Variants in ESS2 observed in about 807,000 individuals in gnomAD.
ESS2 encodes ess-2 spliceosome associated protein, also known as splicing factor ESS-2 homolog.
In ESS2, 31 loss-of-function variants were observed where a neutral mutation model predicts 52.0. The ratio of observed to expected loss-of-function variants is 0.60; its 90% CI spans 0.45 to 0.81. The LOEUF (loss-of-function observed/expected upper bound fraction) is 0.81, where lower values mean the gene tolerates loss of function less well. ESS2 is among the 30% of genes least tolerant of loss of function. ESS2 has a pLI of 0.00. For synonymous variants in ESS2, 285 were observed against 259.2 expected, an observed-to-expected ratio of 1.10 and a Z score of -0.95; for missense variants, 602 against 637.2, an observed-to-expected ratio of 0.94 and a Z score of 0.59.
chr22:19,141,823 A>G (rs753523136), intron 3 of ESS2, among the ~76,000 whole-genome samples: 1 of 152,106 alleles, frequency 6.6e-6, no homozygotes. Flanking sequence ...CCTCGTCTCT[A>G]CTACAAAATA....
chr22:19,143,202 C>CAAAAAAA (rs10632625), intron 1 of ESS2, among the ~76,000 whole-genome samples: 2 of 113,020 alleles, frequency 1.8e-5, no homozygotes, highest in Admixed American at 9.7e-5. Context: ...GAGACCGTCT[C>CAAAAAAA]AAAAAAAAAA....
intron 3 of ESS2, among the ~76,000 whole-genome samples, chr22:19,140,364 C>A (rs1281842851): frequency 6.6e-6 from 1 of 152,144 alleles, no homozygotes; most frequent in Non-Finnish European, 1.5e-5. Context: ...GCTCCTCCCC[C>A]ACCAAAGTGG....
intron 8 of ESS2, among the ~76,000 whole-genome samples, chr22:19,136,867 A>C (rs2083591223): frequency 6.6e-6 from 1 of 152,064 alleles, no homozygotes; most frequent in African/African-American, 2.4e-5. Context: ...GCCCACGAAG[A>C]GCCTCCCCTG....
At position 19,144,624 on chromosome 22, in the gene ESS2, G is replaced by T; in HGVS notation, c.17C>A (p.Ala6Glu). 1 of 1,536,090 alleles carries T rather than the reference G, an allele frequency of 6.5e-7. No individual in the cohort carries two copies. The change falls in exon 1 of 10, where the codon GCA (alanine) becomes GAA (glutamate). Residue 6 changes from alanine (A) to glutamate (E), a missense_variant. Transcript: ENST00000252137. ...GGGAAGCAACAAGGACGACGCTGAT[G>T]CGCCCGGCGTCTCCATCGCTATCCC... METPGASASSLLLPAA... is the reference protein window; with the variant it reads METPGESASSLLLPAA...
Position 19,137,413 on chromosome 22 carries a change from C to A in ESS2, c.945G>T (p.Met315Ile). The change falls in exon 8 of 10, where the codon ATG becomes ATT. Residue 315 changes from methionine (M) to isoleucine (I), a missense_variant. Met to Ile is a conservative substitution (Grantham distance 10, BLOSUM62 1). Coordinates refer to ENST00000252137, the MANE Select transcript of ESS2 (RefSeq NM_022719.3). ...TGTTCTCAACCTCCCCCCAGGTCAT[C>A]ATCGGGGACTCGTTCACACCTGCAG... is the stretch of plus-strand genomic sequence containing the variant. ...SPAPGVNESP[M>I]MTWGEVENTP... 3 of 1,613,488 alleles carry A rather than the reference C, an allele frequency of 1.9e-6. No homozygotes were observed. Among genetic ancestry groups the A allele is most frequent in the Non-Finnish European group, 2.5e-6 (3 of 1,179,664 alleles).
chr22:19,141,522 ATGC>A lies in ESS2; in HGVS notation c.400+1013_400+1015del, dbSNP rs375934292. Among the ~76,000 whole-genome samples, 406 of 152,340 alleles carry A rather than the reference ATGC, an allele frequency of 2.7e-3. 3 individuals are homozygous for A. The highest frequency in any genetic ancestry group is 9.3e-3 in the African/African-American group (387 of 41,564). On this transcript the variant is annotated intron_variant, in intron 3 of 9. Transcript: ENST00000252137. ...TATAGAGCTGTGTGTCCCAGCAAACATGCTGAAGATGACAACTCTTTCATCTGT... is the reference window on the plus strand; with the variant it reads ...TATAGAGCTGTGTGTCCCAGCAAACATGAAGATGACAACTCTTTCATCTGT...
Position 19,134,371 on chromosome 22 carries a change from G to C in ESS2, c.1256C>G (p.Thr419Arg). 6.2e-7 allele frequency: 1 copy of C among 1,612,258 alleles called. No individual in the cohort carries two copies. The highest frequency in any genetic ancestry group is 8.5e-7 in the Non-Finnish European group (1 of 1,179,370). The change falls in exon 10 of 10, where the codon ACA becomes AGA. Residue 419 changes from threonine (T) to arginine (R), a missense_variant. Coordinates refer to ENST00000252137, the MANE Select transcript of ESS2 (RefSeq NM_022719.3). Reference protein sequence around the residue: ...YTDRALRASYTPSPARSTHLK... With the variant: ...YTDRALRASYRPSPARSTHLK... ...GTGGGTGGAGCGTGCTGGGGATGGT[G>C]TGTAGCTGGCCCGCAGGGCCCGGTC...
chr22:19,140,543 GA>G (rs1322509530), intron 3 of ESS2, among the ~76,000 whole-genome samples: 1 of 152,082 alleles, frequency 6.6e-6, no homozygotes, highest in Non-Finnish European at 1.5e-5. Flanking sequence ...GATCTCATAT[GA>G]CTTAGTCCTC....
At chr22:19,141,236 A>C (rs1181330335) in intron 3 of ESS2, among the ~76,000 whole-genome samples, 1 of 152,198 alleles carries the variant, frequency 6.6e-6, no homozygotes, top group Admixed American at 6.5e-5. Context: ...ATGGCCGAAA[A>C]AGCTGGATTG....
At chr22:19,142,149 A>G (rs1452562309) in intron 3 of ESS2, among the ~76,000 whole-genome samples, 1 of 152,246 alleles carries the variant, frequency 6.6e-6, no homozygotes, top group Non-Finnish European at 1.5e-5. Context: ...AGAGATCTAC[A>G]GGAAGAAACA....
Position 19,133,601 on chromosome 22 carries a change from G to GC in ESS2, c.*594dup, listed in dbSNP as rs1374352739. ...GCCCCCACACAGTCCTATAACCAGC[G>GC]CACCTCACAGCCGGCAAGCCCAGAG... is the stretch of plus-strand genomic sequence containing the variant. On this transcript the variant is annotated 3_prime_UTR_variant, in exon 10 of 10. Coordinates refer to ENST00000252137, the MANE Select transcript of ESS2 (RefSeq NM_022719.3). 1 of 152,304 alleles carries GC rather than the reference G, an allele frequency of 6.6e-6. No individual in the cohort carries two copies. Among genetic ancestry groups the GC allele is most frequent in the East Asian group, 1.9e-4 (1 of 5,206 alleles). 9.4% of individuals were successfully genotyped at this position (152,304 alleles called of 1,614,324 possible).
chr22:19,131,899 G>A lies in ESS2; in HGVS notation c.*2297C>T. On this transcript the variant is annotated 3_prime_UTR_variant, in exon 10 of 10. Coordinates refer to ENST00000252137, the MANE Select transcript of ESS2 (RefSeq NM_022719.3). This position sits in a 1 kb window ranked among gnomAD's most constrained non-coding sequence, Gnocchi z 5.7. ...AAGCGCTGCCTGCGGGACAGCAATG[G>A]GCGCATCATCCTCAGCAAGACCTTC... The A allele has an allele frequency of 1.2e-6, 2 of 1,614,152 alleles. No individual in the cohort carries two copies. The highest frequency in any genetic ancestry group is 1.3e-5 in the African/African-American group (1 of 75,050).
chr22:19,138,366 G>A lies in ESS2; in HGVS notation c.823-49C>T, dbSNP rs758717607. On this transcript the variant is annotated intron_variant, in intron 6 of 9. Transcript: ENST00000252137. ...ATCAGGGGGACCGCAGCCCACGCTC[G>A]ACAGCTGGCCGGTGGGCAAACACGT... 1.0e-5 allele frequency: 16 copies of A among 1,552,568 alleles called. 1 individual carries two copies. Among genetic ancestry groups the A allele is most frequent in the South Asian group, 2.3e-5 (2 of 88,882 alleles).
chr22:19,136,495 C>T (rs1200342680), intron 8 of ESS2, among the ~76,000 whole-genome samples: 1 of 152,188 alleles, frequency 6.6e-6, no homozygotes, highest in Non-Finnish European at 1.5e-5. Flanking sequence ...CCCTTCATTT[C>T]TAAATACTCT....
In ESS2 at chr22:19,139,195, C is replaced by T; in HGVS notation, c.786G>A (p.Arg262=). The T allele has an allele frequency of 1.2e-6, 2 of 1,605,972 alleles. No individual in the cohort carries two copies. The highest frequency in any genetic ancestry group is 1.7e-6 in the Non-Finnish European group (2 of 1,176,000). The change falls in exon 6 of 10, where the codon AGG becomes AGA. Residue 262 remains arginine, a synonymous_variant. Coordinates refer to ENST00000252137, the MANE Select transcript of ESS2 (RefSeq NM_022719.3). The stretch of plus-strand genomic sequence containing the variant: ...GGGCGGCTGCCTGCTGGAGCTGGCA[C>T]CTGCTCAGGGCTTGGCTGAAGGGGT... ...LRDPFSQALS[R]CQLQQAAALN...
At chr22:19,144,141 C>T in intron 1 of ESS2, 1 of 1,056,992 alleles carries the variant, frequency 9.5e-7, no homozygotes, top group Non-Finnish European at 1.1e-6. Context: ...GCTGTCACAA[C>T]TGCGGTCTCT....
Position 19,132,187 on chromosome 22 carries a change from T to G in ESS2, c.*2009A>C, listed in dbSNP as rs1390966204. On this transcript the variant is annotated 3_prime_UTR_variant, in exon 10 of 10. Coordinates refer to ENST00000252137, the MANE Select transcript of ESS2 (RefSeq NM_022719.3). This position sits in a 1 kb window ranked among gnomAD's most constrained non-coding sequence, Gnocchi z 4.2. ...CCCGACGTCAGCCAGCGGCTCCACA[T>G]CGATGAGATCCTCAGCCACTCGTGG... The G allele has an allele frequency of 6.2e-7, 1 of 1,612,912 alleles. No individual in the cohort carries two copies. The highest frequency in any genetic ancestry group is 2.2e-5 in the East Asian group (1 of 44,834).
At chr22:19,142,461 C>A (rs1403653880) in intron 3 of ESS2, 77 bp downstream of exon 3, 1 of 1,357,648 alleles carries the variant, frequency 7.4e-7, no homozygotes, top group East Asian at 2.3e-5. Flanking sequence ...CCCTCTGGAC[C>A]ACCCCCTCAG....
chr22:19,132,568 C>A lies in ESS2; in HGVS notation c.*1628G>T. ...CGTAAACTAAGTAGGCAGGTAGGATCTGAAGAAGGCACAGGTGCAAGTAAA... is the reference window on the plus strand; with the variant it reads ...CGTAAACTAAGTAGGCAGGTAGGATATGAAGAAGGCACAGGTGCAAGTAAA... On this transcript the variant is annotated 3_prime_UTR_variant, in exon 10 of 10. Coordinates refer to ENST00000252137, the MANE Select transcript of ESS2 (RefSeq NM_022719.3). This position sits in a 1 kb window ranked among gnomAD's most constrained non-coding sequence, Gnocchi z 4.2. 1.6e-6 allele frequency: 2 copies of A among 1,276,428 alleles called. No homozygotes were observed. Among genetic ancestry groups the A allele is most frequent in the Non-Finnish European group, 2.2e-6 (2 of 914,520 alleles). 79.1% of individuals were successfully genotyped at this position (1,276,428 alleles called of 1,614,324 possible). A position where few individuals can be genotyped will look rare whatever the true frequency, so the allele number is the denominator to read the frequency against.
Sources: allele counts gnomAD v4.1 joint callset (sites outside exome capture counted in the v4.1 genomes callset), GRCh38; gene constraint gnomAD v4.1.1; non-coding constraint Gnocchi (gnomAD v3.1); transcripts MANE v1.5; gene names NCBI Gene and HGNC (gene_info 2026-07-23, HGNC 2026-07-21).